The following GNAI3 variants were observed in gnomAD, a reference collection of about 807,000 sequenced individuals.
GNAI3 encodes the protein G protein subunit alpha i3, also known as guanine nucleotide-binding protein G(i) subunit alpha-3.
GNAI3 carries 12 observed loss-of-function variants against 41.8 expected under a neutral mutation model. The observed-to-expected ratio is 0.29, with a 90% CI of 0.18 to 0.47. The LOEUF is 0.47. Among genes scored for constraint, GNAI3 ranks in the 20% least tolerant of loss-of-function variants. The pLI is 1.00. For missense variants in GNAI3, 360 were observed against 429.6 expected (o/e 0.84, Z 1.43); for synonymous variants, 132 against 146.5 (o/e 0.90, Z 0.71).
chr1:109,559,792 T>A (rs1185287437), intron 1 of GNAI3, among the ~76,000 whole-genome samples: 2 of 152,236 alleles, frequency 1.3e-5, no homozygotes, highest in African/African-American at 2.4e-5. Context: ...ATTTATCTTG[T>A]CCAGGTGATC....
intron 5 of GNAI3, 53 bp downstream of exon 5, chr1:109,582,618 TAGTTTACCATCTCTTAATCA>T (rs1648923712): frequency 7.5e-7 from 1 of 1,336,440 alleles, no homozygotes; most frequent in South Asian, 1.2e-5. Flanking sequence ...TCTTTCATTT[TAGTTTACCATCTCTTAATCA>T]GGGTAAAATT....
rs1321989695 is a variant in GNAI3, at chr1:109,596,687, T to C, written c.*4365T>C. 1 of 152,220 alleles carries C rather than the reference T, an allele frequency of 6.6e-6. No individual in the cohort carries two copies. Among genetic ancestry groups the C allele is most frequent in the Admixed American group, 6.5e-5 (1 of 15,280 alleles). 9.4% of individuals were successfully genotyped at this position (152,220 alleles called of 1,614,324 possible). On this transcript the variant is annotated 3_prime_UTR_variant, in exon 9 of 9. Coordinates refer to ENST00000369851, the MANE Select transcript of GNAI3 (RefSeq NM_006496.4). Reference sequence around the variant, plus strand: ...TTTTTTTCTGATACCATATCAGGCCTAGGCCTGGGCTGACTCAAATCTTCT... The same window carrying C: ...TTTTTTTCTGATACCATATCAGGCCCAGGCCTGGGCTGACTCAAATCTTCT...
chr1:109,558,423 AAAAAAC>A (rs1033805854), intron 1 of GNAI3, among the ~76,000 whole-genome samples: 7 of 152,084 alleles, frequency 4.6e-5, no homozygotes, highest in Admixed American at 2.0e-4. Flanking sequence ...ACTCTGTCTC[AAAAAAC>A]AAAAACAAAA....
chr1:109,581,280 TAAAAA>T (rs61507589), intron 4 of GNAI3, among the ~76,000 whole-genome samples: 1 of 145,254 alleles, frequency 6.9e-6, no homozygotes, highest in African/African-American at 2.5e-5. Flanking sequence ...TGATTTAGAT[TAAAAA>T]AAAAAACCCC....
At position 109,592,262 on chromosome 1, in the gene GNAI3, T is replaced by G. The variant is rs74391881; in HGVS notation, c.*22+7T>G. On this transcript the variant is annotated splice_region_variant and intron_variant, in intron 8 of 8. Transcript: ENST00000369851. ...GCATGGATGTTAGTGAAAGGTAAAGTTTCATACAAGGTAGTTATAGTGCTA... is the reference window on the plus strand; with the variant it reads ...GCATGGATGTTAGTGAAAGGTAAAGGTTCATACAAGGTAGTTATAGTGCTA... 4.1e-4 allele frequency: 603 copies of G among 1,471,904 alleles called. 3 individuals carry two copies. In the East Asian group the frequency reaches 0.014, roughly 33 times the overall value. The allele number at this position is 1,471,904 out of a possible 1,614,324, so 91.2% of individuals were successfully genotyped here. A position where few individuals can be genotyped will look rare whatever the true frequency, so the allele number is the denominator to read the frequency against.
At chr1:109,561,574 A>C (rs1312971210) in intron 1 of GNAI3, among the ~76,000 whole-genome samples, 1 of 152,196 alleles carries the variant, frequency 6.6e-6, no homozygotes, top group East Asian at 1.9e-4. Flanking sequence ...TGCACTGTTC[A>C]GTGGGAGGCT....
intron 7 of GNAI3, chr1:109,591,545 A>G: frequency 1.4e-6 from 1 of 733,522 alleles, no homozygotes; most frequent in South Asian, 1.5e-5. Flanking sequence ...AAAATATGGA[A>G]CGCTTCACGA....
At chr1:109,586,472 C>A in intron 6 of GNAI3, 127 bp downstream of exon 6, 1 of 958,550 alleles carries the variant, frequency 1.0e-6, no homozygotes, top group Non-Finnish European at 1.6e-6. Context: ...TTTTTTTGAT[C>A]TGTGCCCTAT....
At chr1:109,577,567 G>A (rs757615157) in intron 3 of GNAI3, among the ~76,000 whole-genome samples, 97 of 152,248 alleles carry the variant, frequency 6.4e-4, no homozygotes, top group Non-Finnish European at 1.3e-3. Flanking sequence ...GAGCCACCAT[G>A]CCCGACCAGC....
In GNAI3 at chr1:109,586,243, A is replaced by C. The variant is rs1334190324; in HGVS notation, c.618A>C (p.Ser206=). 9 of 1,613,772 alleles carry C rather than the reference A, an allele frequency of 5.6e-6. No homozygotes were observed. Among genetic ancestry groups the C allele is most frequent in the Non-Finnish European group, 6.8e-6 (8 of 1,179,724 alleles). ...TGTTTGATGTAGGTGGCCAAAGATC[A>C]GAACGAAAAAAGTGGATTCACTGTT... ...FKMFDVGGQR[S]ERKKWIHCFE... The change falls in exon 6 of 9, where the codon TCA becomes TCC. Residue 206 remains serine, a synonymous_variant. Transcript: ENST00000369851.
intron 4 of GNAI3, among the ~76,000 whole-genome samples, chr1:109,580,907 A>G (rs1387317381): frequency 6.6e-6 from 1 of 152,192 alleles, no homozygotes; most frequent in Non-Finnish European, 1.5e-5. Context: ...GGCTTTAGAA[A>G]CGTTTCAGGA....
chr1:109,575,534 C>CTTTTTTTTTTTTTT lies in GNAI3; in HGVS notation c.303+1509_303+1522dup, dbSNP rs747890363. 7.9e-4 allele frequency among the ~76,000 whole-genome samples: 42 copies of CTTTTTTTTTTTTTT among 52,854 alleles called. 11 individuals carry two copies. The highest frequency in any genetic ancestry group is 3.2e-3 in the African/African-American group (40 of 12,452). The allele number at this position is 52,854 out of a possible 152,430, so 34.7% of individuals were successfully genotyped here. ...TATTTATCTCCCTACCCTTTCATTT[C>CTTTTTTTTTTTTTT]TTTTTTTTTTTTTTTTTTTTTTTTT... On this transcript the variant is annotated intron_variant, in intron 3 of 8. Transcript: ENST00000369851.
At chr1:109,549,366 C>T (rs1169842426) in intron 1 of GNAI3, among the ~76,000 whole-genome samples, 1 of 152,156 alleles carries the variant, frequency 6.6e-6, no homozygotes. Context: ...GCCATTTGAA[C>T]TGTTGGAAGA....
chr1:109,575,649 A>G (rs552914976), intron 3 of GNAI3, among the ~76,000 whole-genome samples: 2 of 141,388 alleles, frequency 1.4e-5, no homozygotes, highest in South Asian at 4.3e-4. Context: ...CTCCTGTCTC[A>G]GCCTCCTGAG....
chr1:109,586,916 A>G, intron 7 of GNAI3, 34 bp downstream of exon 7: 2 of 1,446,964 alleles, frequency 1.4e-6, no homozygotes, highest in South Asian at 2.3e-5. Context: ...TTGGAGGTAC[A>G]CATCTTACTT....
intron 3 of GNAI3, 30 bp from the exon 4 acceptor site, chr1:109,579,174 A>C: frequency 6.4e-7 from 1 of 1,574,346 alleles, no homozygotes; most frequent in Non-Finnish European, 8.7e-7. Context: ...ATGGAGAGTC[A>C]TCTGTCTCTT....
intron 3 of GNAI3, among the ~76,000 whole-genome samples, chr1:109,575,477 T>C (rs2101101924): frequency 6.6e-6 from 1 of 151,826 alleles, no homozygotes; most frequent in East Asian, 1.9e-4. Flanking sequence ...TCTTTCCCTC[T>C]TTAATTTTAT....
chr1:109,573,806 G>A (rs749894386), intron 2 of GNAI3, 27 bp downstream of exon 2: 2 of 1,603,944 alleles, frequency 1.2e-6, no homozygotes, highest in South Asian at 2.2e-5. Context: ...CGTTTTGTTA[G>A]ACTAGGATTT....
rs747950864 is a variant in GNAI3 at position 109,574,010 on chromosome 1, G to A, written c.276G>A (p.Lys92=). 5.0e-6 allele frequency: 8 copies of A among 1,612,280 alleles called. No homozygotes were observed. Among genetic ancestry groups the A allele is most frequent in the Admixed American group, 1.7e-5 (1 of 59,786 alleles). The stretch of plus-strand genomic sequence containing the variant: ...TCATAAGAGCCATGGGACGGCTAAA[G>A]ATTGACTTTGGGGAAGCTGCCAGGG... ...IAIIRAMGRL[K]IDFGEAARAD... The change falls in exon 3 of 9, where the codon AAG becomes AAA. Residue 92 remains lysine, a synonymous_variant. Coordinates refer to ENST00000369851, the MANE Select transcript of GNAI3 (RefSeq NM_006496.4).
Sources: gnomAD v4.1 joint callset for allele counts (sites outside exome capture counted in the v4.1 genomes callset) on GRCh38, gnomAD v4.1.1 for gene constraint, MANE v1.5 for transcripts, NCBI Gene and HGNC (gene_info 2026-07-23, HGNC 2026-07-21) for gene names.